TRPC4: variants seen among roughly 807,000 people sequenced by gnomAD.
TRPC4 encodes the protein transient receptor potential cation channel subfamily C member 4.
TRPC4 carries 49 observed loss-of-function variants against 99.4 expected under a neutral mutation model. The observed-to-expected ratio is 0.49, with a 90% confidence interval of 0.39 to 0.63. The LOEUF (loss-of-function observed/expected upper bound fraction) is 0.63. Among genes scored for constraint, TRPC4 ranks in the 20% least tolerant of loss-of-function variants. TRPC4 has a pLI of 0.00. For missense variants in TRPC4, 898 were observed against 1,152.9 expected, an observed-to-expected ratio of 0.78 and a Z score of 3.20; for synonymous variants, 454 against 425.9, an observed-to-expected ratio of 1.07 and a Z score of -0.81.
At chr13:37,761,458 A>C (rs1279620057) in intron 2 of TRPC4, among the ~76,000 whole-genome samples, 1 of 151,830 alleles carries the variant, frequency 6.6e-6, no homozygotes, top group Non-Finnish European at 1.5e-5. Flanking sequence ...GAGTAGGAAA[A>C]TGTCCGTTAA....
At chr13:37,848,899 G>C (rs1399863657) in intron 1 of TRPC4, among the ~76,000 whole-genome samples, 1 of 152,194 alleles carries the variant, frequency 6.6e-6, no homozygotes, top group Non-Finnish European at 1.5e-5. Context: ...TTTTGGGGCT[G>C]AGTTTAAGAG....
At chr13:37,807,413 GTAA>G (rs1387121497) in intron 1 of TRPC4, among the ~76,000 whole-genome samples, 2 of 151,960 alleles carry the variant, frequency 1.3e-5, no homozygotes, top group African/African-American at 4.8e-5. Flanking sequence ...TGTCAGCAAA[GTAA>G]TAATAATAAA....
intron 2 of TRPC4, among the ~76,000 whole-genome samples, chr13:37,773,138 A>G (rs1298221783): frequency 6.6e-6 from 1 of 151,764 alleles, no homozygotes; most frequent in Non-Finnish European, 1.5e-5. Context: ...CATCAAAAGC[A>G]TGGAAAGAAC....
chr13:37,678,525 C>T (rs192811526), intron 4 of TRPC4, among the ~76,000 whole-genome samples: 1 of 152,022 alleles, frequency 6.6e-6, no homozygotes, highest in East Asian at 1.9e-4. Context: ...GCTTTTTTCC[C>T]TGAGACATAA....
At chr13:37,718,598 T>C (rs1009292375) in intron 3 of TRPC4, among the ~76,000 whole-genome samples, 3 of 151,736 alleles carry the variant, frequency 2.0e-5, no homozygotes, top group African/African-American at 7.3e-5. Context: ...AACAGCAAAG[T>C]GGAAAGTTCA....
intron 3 of TRPC4, among the ~76,000 whole-genome samples, chr13:37,725,921 G>A (rs1955039684): frequency 6.6e-6 from 1 of 152,172 alleles, no homozygotes. Context: ...TAAAAAGTTA[G>A]TATTGGCAGC....
At chr13:37,690,194 T>C (rs892322788) in intron 4 of TRPC4, among the ~76,000 whole-genome samples, 2 of 152,224 alleles carry the variant, frequency 1.3e-5, no homozygotes, top group African/African-American at 4.8e-5. Context: ...TGAGATATAT[T>C]TAATTTAAAT....
chr13:37,860,720 A>T (rs1250134593), intron 1 of TRPC4, among the ~76,000 whole-genome samples: 2 of 151,450 alleles, frequency 1.3e-5, no homozygotes, highest in African/African-American at 4.8e-5. Context: ...GTACCCTACT[A>T]TGGTTGAGGC....
chr13:37,683,049 G>T (rs564762451), intron 4 of TRPC4, among the ~76,000 whole-genome samples: 2 of 151,384 alleles, frequency 1.3e-5, no homozygotes, highest in Admixed American at 6.6e-5. Context: ...GATTACAGGC[G>T]TCGGCAGCCC....
At chr13:37,865,628 T>C (rs1959692085) in intron 1 of TRPC4, among the ~76,000 whole-genome samples, 1 of 151,746 alleles carries the variant, frequency 6.6e-6, no homozygotes, top group Non-Finnish European at 1.5e-5. Context: ...TATATTCCAA[T>C]GTTATAATAT....
At chr13:37,799,030 C>T (rs1212998950) in intron 1 of TRPC4, among the ~76,000 whole-genome samples, 1 of 151,066 alleles carries the variant, frequency 6.6e-6, no homozygotes, top group Non-Finnish European at 1.5e-5. Context: ...CTCCTGGGTT[C>T]ACGCCATTCT....
chr13:37,826,816 C>G (rs376173742), intron 1 of TRPC4, among the ~76,000 whole-genome samples: 24 of 152,198 alleles, frequency 1.6e-4, no homozygotes, highest in African/African-American at 4.6e-4. Context: ...CTGAATGTTG[C>G]CCTGCCTTGC....
At chr13:37,711,064 A>G (rs900752307) in intron 3 of TRPC4, among the ~76,000 whole-genome samples, 5 of 152,022 alleles carry the variant, frequency 3.3e-5, no homozygotes, top group African/African-American at 4.8e-5. Context: ...TTAATTCTTA[A>G]GTCAATGATC....
intron 2 of TRPC4, among the ~76,000 whole-genome samples, chr13:37,781,328 T>C (rs1956834130): frequency 6.6e-6 from 1 of 152,106 alleles, no homozygotes; most frequent in Non-Finnish European, 1.5e-5. Context: ...TGGTTGCCTA[T>C]ATAGACATAA....
At chr13:37,682,675 C>A (rs953588701) in intron 4 of TRPC4, among the ~76,000 whole-genome samples, 1 of 152,146 alleles carries the variant, frequency 6.6e-6, no homozygotes, top group Non-Finnish European at 1.5e-5. Context: ...TAATCTGTAA[C>A]AGAGGTAGAC....
chr13:37,711,711 CT>C (rs1328424329), intron 3 of TRPC4, among the ~76,000 whole-genome samples: 3 of 151,886 alleles, frequency 2.0e-5, no homozygotes, highest in Non-Finnish European at 4.4e-5. Context: ...TAATACTTGG[CT>C]TGTTTGCCTT....
chr13:37,839,218 A>G (rs1179382075), intron 1 of TRPC4, among the ~76,000 whole-genome samples: 1 of 152,090 alleles, frequency 6.6e-6, no homozygotes, highest in Non-Finnish European at 1.5e-5. Context: ...TCCCTCCTAG[A>G]GCCATCATGT....
intron 1 of TRPC4, among the ~76,000 whole-genome samples, chr13:37,807,301 A>C (rs947919945): frequency 1.3e-5 from 2 of 152,040 alleles, no homozygotes; most frequent in Admixed American, 6.6e-5. Context: ...TCTTATTCAA[A>C]CATTCCACTG....
At chr13:37,721,856 T>G (rs1954881582) in intron 3 of TRPC4, among the ~76,000 whole-genome samples, 1 of 152,100 alleles carries the variant, frequency 6.6e-6, no homozygotes, top group Admixed American at 6.6e-5. Context: ...AGACTGGTCT[T>G]GAAATCCTGG....
Sources: allele counts gnomAD v4.1 joint callset (sites outside exome capture counted in the v4.1 genomes callset), GRCh38; gene constraint gnomAD v4.1.1; transcripts MANE v1.5; gene names NCBI Gene and HGNC (gene_info 2026-07-23, HGNC 2026-07-21).